Variants in ZNF592 observed in about 807,000 individuals in gnomAD.
The protein encoded by ZNF592 is zinc finger protein 592, also known as spinocerebellar ataxia, autosomal recessive 5.
ZNF592 carries 11 observed loss-of-function variants against 80.3 expected under a neutral mutation model. The observed-to-expected ratio is 0.14, with a 90% confidence interval of 0.09 to 0.23. The LOEUF (loss-of-function observed/expected upper bound fraction) is 0.23. Among genes scored for constraint, ZNF592 ranks in the 10% least tolerant of loss-of-function variants. The pLI, the probability that ZNF592 is intolerant of heterozygous loss-of-function variation, is 1.00. For missense variants in ZNF592, 1,420 were observed against 1,633.9 expected (o/e 0.87, Z 2.26); for synonymous variants, 646 against 640.3 (o/e 1.01, Z -0.13).
chr15:84,772,101 C>G (rs1962098195), intron 2 of ZNF592, among the ~76,000 whole-genome samples: 1 of 152,124 alleles, frequency 6.6e-6, no homozygotes, highest in South Asian at 2.1e-4. Context: ...GGTCACAATT[C>G]CTTATTCTTT....
chr15:84,779,689 A>G (rs1384419865), intron 3 of ZNF592, among the ~76,000 whole-genome samples: 1 of 151,940 alleles, frequency 6.6e-6, no homozygotes, highest in African/African-American at 2.4e-5. Context: ...TGCTGCTAAT[A>G]TTGAGCTCTC....
At chr15:84,778,727 C>T (rs569671196) in intron 3 of ZNF592, among the ~76,000 whole-genome samples, 2 of 152,262 alleles carry the variant, frequency 1.3e-5, no homozygotes, top group South Asian at 2.1e-4. Flanking sequence ...GGGTTTTGGG[C>T]GATGACTCTT....
rs72491489 is a variant in ZNF592 at position 84,779,984 on chromosome 15, G to GTTTTTTTTTTTTTTTTTTTTTTTT, written c.-20+1676_-20+1677insTTTTTTTTTTTTTTTTTTTTTTTT. On this transcript the variant is annotated intron_variant, in intron 3 of 10. Coordinates refer to ENST00000560079, the MANE Select transcript of ZNF592 (RefSeq NM_014630.3). ...CCCCTCAATCTTTTTTTCCTAGACA[G>GTTTTTTTTTTTTTTTTTTTTTTTT]TTTTGTTTTTTTTTTTTTTTGAGTT... 4.6e-5 allele frequency among the ~76,000 whole-genome samples: 6 copies of GTTTTTTTTTTTTTTTTTTTTTTTT among 131,762 alleles called. 2 individuals are homozygous for GTTTTTTTTTTTTTTTTTTTTTTTT. Among genetic ancestry groups the GTTTTTTTTTTTTTTTTTTTTTTTT allele is most frequent in the African/African-American group, 8.5e-5 (3 of 35,248 alleles). 86.4% of individuals were successfully genotyped at this position (131,762 alleles called of 152,430 possible).
chr15:84,800,732 C>A (rs73455555), intron 10 of ZNF592, among the ~76,000 whole-genome samples: 1 of 152,214 alleles, frequency 6.6e-6, no homozygotes, highest in Non-Finnish European at 1.5e-5. Flanking sequence ...TCCCTTCCCC[C>A]AAAATGCACA....
chr15:84,772,680 A>T (rs1472879456), intron 2 of ZNF592, among the ~76,000 whole-genome samples: 1 of 152,236 alleles, frequency 6.6e-6, no homozygotes, highest in Non-Finnish European at 1.5e-5. Context: ...GTTGTGAAAC[A>T]TCCATCCTTC....
chr15:84,785,625 T>C (rs1000096954), intron 4 of ZNF592, among the ~76,000 whole-genome samples: 1 of 152,196 alleles, frequency 6.6e-6, no homozygotes. Context: ...GAACTGTGTC[T>C]TTAATAAGTT....
Position 84,804,621 on chromosome 15 carries a change from T to G in ZNF592, c.*2228T>G, listed in dbSNP as rs1376358618. Reference sequence around the variant, plus strand: ...ATCCAACTGGCTTCACAGGCTTTTGTGAGCTTATGAATGTGAAAGTATTTT... The same window carrying G: ...ATCCAACTGGCTTCACAGGCTTTTGGGAGCTTATGAATGTGAAAGTATTTT... On this transcript the variant is annotated 3_prime_UTR_variant, in exon 11 of 11. Coordinates refer to ENST00000560079, the MANE Select transcript of ZNF592 (RefSeq NM_014630.3). The G allele has an allele frequency of 6.6e-6, 1 of 152,236 alleles. No individual in the cohort carries two copies. Among genetic ancestry groups the G allele is most frequent in the East Asian group, 1.9e-4 (1 of 5,200 alleles). 9.4% of individuals were successfully genotyped at this position (152,236 alleles called of 1,614,324 possible).
intron 4 of ZNF592, among the ~76,000 whole-genome samples, chr15:84,789,463 C>G (rs965871786): frequency 6.6e-6 from 1 of 152,144 alleles, no homozygotes; most frequent in Non-Finnish European, 1.5e-5. Flanking sequence ...AGTGGCATTG[C>G]TAGATCATAT....
chr15:84,761,719 C>A (rs566824891), intron 1 of ZNF592, among the ~76,000 whole-genome samples: 1 of 152,178 alleles, frequency 6.6e-6, no homozygotes, highest in African/African-American at 2.4e-5. Context: ...TCTTTCTGGT[C>A]TGCTGAAAAC....
chr15:84,795,060 A>C (rs1403460811), intron 5 of ZNF592, among the ~76,000 whole-genome samples: 1 of 150,502 alleles, frequency 6.6e-6, no homozygotes, highest in Non-Finnish European at 1.5e-5. Context: ...TAAAAAGCCT[A>C]TATATGGTTA....
chr15:84,778,925 G>A (rs776192866), intron 3 of ZNF592, among the ~76,000 whole-genome samples: 2 of 152,136 alleles, frequency 1.3e-5, no homozygotes, highest in Non-Finnish European at 2.9e-5. Flanking sequence ...AAAATGATAC[G>A]GCTCTGATGA....
At position 84,790,696 on chromosome 15, in the gene ZNF592, C is replaced by A; in HGVS notation, c.2221-9C>A. The stretch of plus-strand genomic sequence containing the variant: ...CTGCATGATCTGCTTTCTTGGTGTT[C>A]TTTCCTAGACCTGCCAGGTATGCCA... On this transcript the variant is annotated splice_polypyrimidine_tract_variant and intron_variant, in intron 4 of 10. Transcript: ENST00000560079. The A allele has an allele frequency of 1.2e-6, 2 of 1,614,166 alleles. No individual in the cohort carries two copies. The highest frequency in any genetic ancestry group is 1.7e-6 in the Non-Finnish European group (2 of 1,180,036).
intron 5 of ZNF592, among the ~76,000 whole-genome samples, chr15:84,797,496 A>G (rs927147701): frequency 1.3e-5 from 2 of 152,202 alleles, no homozygotes; most frequent in Admixed American, 6.5e-5. Flanking sequence ...CAGTTGCCTC[A>G]CACTTAAATA....
intron 1 of ZNF592, among the ~76,000 whole-genome samples, chr15:84,760,491 A>T (rs1357433029): frequency 6.6e-6 from 1 of 152,218 alleles, no homozygotes; most frequent in African/African-American, 2.4e-5. Context: ...CCAGTGGATT[A>T]TCAGCTCTAC....
At chr15:84,760,035 G>A (rs1469951339) in intron 1 of ZNF592, among the ~76,000 whole-genome samples, 1 of 145,574 alleles carries the variant, frequency 6.9e-6, no homozygotes, top group Non-Finnish European at 1.5e-5. Flanking sequence ...AGAAATTCTG[G>A]TAATTCTTCC....
At chr15:84,772,919 A>G (rs1429892940) in intron 2 of ZNF592, among the ~76,000 whole-genome samples, 1 of 152,138 alleles carries the variant, frequency 6.6e-6, no homozygotes, top group Non-Finnish European at 1.5e-5. Context: ...CTGTTACTGA[A>G]CTTTTATTAA....
intron 1 of ZNF592, among the ~76,000 whole-genome samples, chr15:84,764,387 A>G (rs1596109768): frequency 1.3e-5 from 2 of 152,302 alleles, no homozygotes; most frequent in East Asian, 1.9e-4. Flanking sequence ...CCCATTTTAC[A>G]TATGGGGAAA....
chr15:84,801,279 C>T (rs532978883), intron 10 of ZNF592, among the ~76,000 whole-genome samples: 7 of 151,744 alleles, frequency 4.6e-5, no homozygotes, highest in Admixed American at 2.0e-4. Flanking sequence ...GCTGTGATCA[C>T]GCCACTGCAC....
At chr15:84,782,530 C>A in intron 3 of ZNF592, 127 bp from the exon 4 acceptor site, 1 of 910,376 alleles carries the variant, frequency 1.1e-6, no homozygotes, top group East Asian at 2.4e-5. Context: ...GTGTGGCTTC[C>A]TGTCATAGTA....
Sources: allele counts gnomAD v4.1 joint callset (sites outside exome capture counted in the v4.1 genomes callset), GRCh38; gene constraint gnomAD v4.1.1; transcripts MANE v1.5; gene names NCBI Gene and HGNC (gene_info 2026-07-23, HGNC 2026-07-21).